The following KALRN variants were observed in gnomAD, a reference collection of about 807,000 sequenced individuals.
KALRN encodes the protein kalirin.
KALRN carries 70 observed loss-of-function variants against 353.7 expected under a neutral mutation model. The ratio of observed to expected loss-of-function variants is 0.20; its 90% CI spans 0.16 to 0.24. The LOEUF is 0.24. KALRN is among the 10% of genes least tolerant of loss of function. The pLI is 1.00. For synonymous variants in KALRN, 1,391 were observed against 1,434.8 expected, an observed-to-expected ratio of 0.97 and a Z score of 0.69; for missense variants, 2,791 against 3,756.7, an observed-to-expected ratio of 0.74 and a Z score of 6.72.
At chr3:124,510,608 A>C (rs1007678749) in intron 33 of KALRN, among the ~76,000 whole-genome samples, 9 of 151,988 alleles carry the variant, frequency 5.9e-5, no homozygotes, top group East Asian at 5.8e-4. Context: ...TTCATTCTCT[A>C]GCCTCCAAAA....
At chr3:124,557,148 G>A (rs971379246) in intron 33 of KALRN, among the ~76,000 whole-genome samples, 2 of 152,108 alleles carry the variant, frequency 1.3e-5, no homozygotes, top group Admixed American at 1.3e-4. Context: ...GTGTGATGCT[G>A]AGGTTTTGGG....
At chr3:124,710,160 T>C (rs1376780902) in intron 57 of KALRN, among the ~76,000 whole-genome samples, 1 of 152,250 alleles carries the variant, frequency 6.6e-6, no homozygotes, top group African/African-American at 2.4e-5. Flanking sequence ...ATGCACTCTT[T>C]GTCAGAAATG....
chr3:124,526,224 G>A (rs1352206313), intron 33 of KALRN, among the ~76,000 whole-genome samples: 1 of 152,066 alleles, frequency 6.6e-6, no homozygotes, highest in East Asian at 1.9e-4. Flanking sequence ...CTCAAATTTG[G>A]CTATAATAGT....
intron 10 of KALRN, among the ~76,000 whole-genome samples, chr3:124,347,701 G>C (rs952986700): frequency 6.6e-6 from 1 of 152,136 alleles, no homozygotes; most frequent in Non-Finnish European, 1.5e-5. Flanking sequence ...GTGAGTGAGA[G>C]CTAAAAATCA....
intron 3 of KALRN, among the ~76,000 whole-genome samples, chr3:124,257,256 A>G (rs1027721077): frequency 6.6e-6 from 1 of 152,238 alleles, no homozygotes; most frequent in Non-Finnish European, 1.5e-5. Flanking sequence ...TAAACTCTCA[A>G]AAACCACACC....
intron 1 of KALRN, among the ~76,000 whole-genome samples, chr3:124,154,587 A>G (rs1024145549): frequency 6.6e-6 from 1 of 152,252 alleles, no homozygotes; most frequent in Non-Finnish European, 1.5e-5. Context: ...GAGAACTACA[A>G]ATCACTGCTC....
intron 17 of KALRN, among the ~76,000 whole-genome samples, chr3:124,436,992 C>T (rs1201585471): frequency 6.8e-6 from 1 of 146,880 alleles, no homozygotes; most frequent in Non-Finnish European, 1.5e-5. Flanking sequence ...AGTTTGGTGA[C>T]AGATCTTCTC....
rs781718965 is a variant in KALRN at position 124,696,148 on chromosome 3, T to A, written c.7592T>A (p.Ile2531Asn). ...GGTGTCCCTAGTGATTCTGGAGAAA[T>A]CACCCTGAAGATCTGTAATCTGATG... ...YTVSSCDSGE[I>N]TLKICNLMPQ... Residue 2531 changes from isoleucine (I) to asparagine (N), a missense_variant, in exon 54 of 60, where the codon ATC becomes AAC. Ile to Asn is a moderately radical substitution (Grantham distance 149, BLOSUM62 -3). Transcript: ENST00000682506. 6.2e-6 allele frequency: 10 copies of A among 1,613,866 alleles called. No individual in the cohort carries two copies. The highest frequency in any genetic ancestry group is 8.5e-6 in the Non-Finnish European group (10 of 1,179,906).
At chr3:124,248,439 A>G (rs1241429756) in intron 3 of KALRN, among the ~76,000 whole-genome samples, 1 of 152,222 alleles carries the variant, frequency 6.6e-6, no homozygotes, top group Non-Finnish European at 1.5e-5. Context: ...GCCTTCTGCC[A>G]GGGGACGGAG....
intron 13 of KALRN, among the ~76,000 whole-genome samples, chr3:124,400,787 C>T (rs2090756598): frequency 6.6e-6 from 1 of 152,144 alleles, no homozygotes; most frequent in Admixed American, 6.5e-5. Flanking sequence ...CTCCATTTTG[C>T]CCACTGGGAG....
chr3:124,710,173 TG>T (rs2062821537), intron 57 of KALRN, among the ~76,000 whole-genome samples: 1 of 152,252 alleles, frequency 6.6e-6, no homozygotes, highest in Admixed American at 6.5e-5. Context: ...CAGAAATGAT[TG>T]AAGATTGCAT....
intron 1 of KALRN, among the ~76,000 whole-genome samples, chr3:124,090,343 T>C (rs959827077): frequency 1.3e-5 from 2 of 152,178 alleles, no homozygotes; most frequent in Non-Finnish European, 2.9e-5. Context: ...GTGAGCAAGA[T>C]GAAAGCTACA....
At chr3:124,071,334 T>C (rs1272738048) in intron 1 of KALRN, among the ~76,000 whole-genome samples, 1 of 152,156 alleles carries the variant, frequency 6.6e-6, no homozygotes, top group African/African-American at 2.4e-5. Context: ...AAGTAGTTAC[T>C]CCCGTTTATA....
intron 1 of KALRN, among the ~76,000 whole-genome samples, chr3:124,102,178 G>C (rs529906766): frequency 2.0e-5 from 3 of 152,002 alleles, no homozygotes; most frequent in Non-Finnish European, 1.5e-5. Flanking sequence ...ATACCTATTA[G>C]AGTTATTTAA....
At chr3:124,509,659 T>A (rs2065655045) in intron 33 of KALRN, among the ~76,000 whole-genome samples, 2 of 152,234 alleles carry the variant, frequency 1.3e-5, no homozygotes, top group Non-Finnish European at 2.9e-5. Context: ...TTTAAATTAA[T>A]GTTTGTTACA....
chr3:124,437,684 C>T (rs1203762488), intron 17 of KALRN, among the ~76,000 whole-genome samples: 7 of 91,696 alleles, frequency 7.6e-5, no homozygotes, highest in South Asian at 3.9e-4. Flanking sequence ...AGCTAGATTC[C>T]GTCTCAAAAA....
chr3:124,648,796 C>T (rs895687775), intron 37 of KALRN, among the ~76,000 whole-genome samples: 4 of 152,200 alleles, frequency 2.6e-5, no homozygotes, highest in African/African-American at 9.7e-5. Flanking sequence ...CTGGTGATGG[C>T]ACCAGGAGAC....
intron 9 of KALRN, among the ~76,000 whole-genome samples, chr3:124,345,678 G>A (rs1045773764): frequency 1.3e-5 from 2 of 152,112 alleles, no homozygotes; most frequent in African/African-American, 4.8e-5. Flanking sequence ...TCTTCATGAT[G>A]ATGGACAATT....
intron 1 of KALRN, among the ~76,000 whole-genome samples, chr3:124,184,593 C>G (rs915963089): frequency 6.6e-6 from 1 of 152,156 alleles, no homozygotes; most frequent in Admixed American, 6.5e-5. Context: ...AGACACAGGT[C>G]AATTTTCAAC....
Sources: gnomAD v4.1 joint callset for allele counts (sites outside exome capture counted in the v4.1 genomes callset) on GRCh38, gnomAD v4.1.1 for gene constraint, MANE v1.5 for transcripts, NCBI Gene and HGNC (gene_info 2026-07-23, HGNC 2026-07-21) for gene names.